The following EPHA5 variants were observed in gnomAD, a reference collection of about 807,000 sequenced individuals.
The protein encoded by EPHA5 is EPH receptor A5.
A neutral mutation model predicts 105.0 loss-of-function variants in EPHA5; 60 were observed. The observed-to-expected ratio is 0.57, with a 90% CI of 0.46 to 0.71. The LOEUF is 0.71. Ranked by LOEUF, EPHA5 falls within the 30% of genes least tolerant of loss-of-function variation. EPHA5 has a pLI of 0.00. For missense variants in EPHA5, 1,218 were observed against 1,274.7 expected (o/e 0.96, Z 0.68); for synonymous variants, 513 against 449.1 (o/e 1.14, Z -1.80).
intron 3 of EPHA5, among the ~76,000 whole-genome samples, chr4:65,592,270 C>G (rs904719928): frequency 6.6e-6 from 1 of 152,062 alleles, no homozygotes; most frequent in African/African-American, 2.4e-5. Flanking sequence ...CAATGTCAAT[C>G]CACACAGGGC....
chr4:65,669,628 G>C lies in EPHA5; in HGVS notation c.115C>G (p.Pro39Ala), dbSNP rs1180540482. 1.4e-6 allele frequency: 2 copies of C among 1,417,770 alleles called. No homozygotes were observed. The highest frequency in any genetic ancestry group is 3.0e-5 in the African/African-American group (2 of 67,684). 87.8% of individuals were successfully genotyped at this position (1,417,770 alleles called of 1,614,324 possible). A position where few individuals can be genotyped will look rare whatever the true frequency, so the allele number is the denominator to read the frequency against. ...AGCYSAPRRA[P>A]LWTCLLLCAA... ...CACAGGAGAAGGCACGTCCAGAGGG[G>C]AGCCCGTCGAGGTGCAGAGTAGCAG... The change falls in exon 1 of 17, where the codon CCC (proline) becomes GCC (alanine). Residue 39 changes from proline (P) to alanine (A), a missense_variant. Around this residue, in one of 3 missense-constraint regions of EPHA5, gnomAD observed 233 missense variants for 227.5 expected, o/e 1.02. Coordinates refer to ENST00000613740, the MANE Select transcript of EPHA5 (RefSeq NM_001281766.3).
At chr4:65,403,300 T>C (rs979112324) in intron 8 of EPHA5, among the ~76,000 whole-genome samples, 4 of 152,176 alleles carry the variant, frequency 2.6e-5, no homozygotes, top group Non-Finnish European at 4.4e-5. Flanking sequence ...ATGAGTCGAA[T>C]AGGTGCTGAA....
At chr4:65,484,635 C>T (rs936670590) in intron 5 of EPHA5, among the ~76,000 whole-genome samples, 4 of 152,034 alleles carry the variant, frequency 2.6e-5, no homozygotes, top group African/African-American at 4.8e-5. Context: ...TGTACCTTGG[C>T]ATGTTAATTA....
intron 3 of EPHA5, among the ~76,000 whole-genome samples, chr4:65,509,593 C>G (rs1733400241): frequency 6.6e-6 from 1 of 152,170 alleles, no homozygotes. Flanking sequence ...CCATATTAGA[C>G]TATATTGTAA....
At chr4:65,648,690 G>A (rs1460914311) in intron 1 of EPHA5, among the ~76,000 whole-genome samples, 1 of 152,108 alleles carries the variant, frequency 6.6e-6, no homozygotes, top group Admixed American at 6.5e-5. Context: ...GCATACAAGA[G>A]GCTTTTGATG....
intron 2 of EPHA5, among the ~76,000 whole-genome samples, chr4:65,632,822 T>C (rs960880021): frequency 2.0e-5 from 3 of 152,142 alleles, no homozygotes; most frequent in East Asian, 3.9e-4. Flanking sequence ...TGGGTGGTAA[T>C]GAGAGGTTTC....
chr4:65,385,681 G>A (rs1720008743), intron 8 of EPHA5, among the ~76,000 whole-genome samples: 1 of 151,784 alleles, frequency 6.6e-6, no homozygotes, highest in African/African-American at 2.4e-5. Context: ...ATACATAACA[G>A]TGATTAATTA....
At chr4:65,572,366 T>C (rs1159479321) in intron 3 of EPHA5, among the ~76,000 whole-genome samples, 1 of 152,214 alleles carries the variant, frequency 6.6e-6, no homozygotes, top group African/African-American at 2.4e-5. Flanking sequence ...ATATATCACT[T>C]ACTCTCCAAC....
rs1284785883 is a variant in EPHA5, at chr4:65,404,440, A to G, written c.1727T>C (p.Ile576Thr). ...ASSDQSQIPV[I>T]AVSVTVGVIL... ...GACTCCCACTGTCACAGACACAGCAATTACAGGAATCTGGCTTTGATCGCT... is the reference window on the plus strand; with the variant it reads ...GACTCCCACTGTCACAGACACAGCAGTTACAGGAATCTGGCTTTGATCGCT... The change falls in exon 8 of 17, where the codon ATT becomes ACT. Residue 576 changes from isoleucine (I) to threonine (T), a missense_variant. By Grantham distance (89) the Ile-to-Thr change is moderately conservative. Transcript: ENST00000613740. 18 of 1,613,678 alleles carry G rather than the reference A, an allele frequency of 1.1e-5. No homozygotes were observed. The highest frequency in any genetic ancestry group is 5.0e-5 in the Admixed American group (3 of 59,952).
chr4:65,634,438 A>T lies in EPHA5; in HGVS notation c.246+8925T>A, dbSNP rs375380012. On this transcript the variant is annotated intron_variant, in intron 2 of 16. Coordinates refer to ENST00000613740, the MANE Select transcript of EPHA5 (RefSeq NM_001281766.3). ...CTTATATACAGAAGCAGAGAAGAAC[A>T]TTTTAAAGAACCTTATTCATAATTG... is the stretch of plus-strand genomic sequence containing the variant. Among the ~76,000 whole-genome samples, 19 of 152,200 alleles carry T rather than the reference A, an allele frequency of 1.2e-4. 1 individual carries two copies. The highest frequency in any genetic ancestry group is 4.6e-4 in the African/African-American group (19 of 41,578).
chr4:65,403,336 G>C (rs1388111379), intron 8 of EPHA5, among the ~76,000 whole-genome samples: 2 of 152,036 alleles, frequency 1.3e-5, no homozygotes, highest in Non-Finnish European at 1.5e-5. Flanking sequence ...GAGTAGAACG[G>C]TAACAAAATC....
chr4:65,532,838 C>A (rs1010459388), intron 3 of EPHA5, among the ~76,000 whole-genome samples: 19 of 151,974 alleles, frequency 1.3e-4, no homozygotes, highest in African/African-American at 4.6e-4. Context: ...TTTTAATGGT[C>A]TCTTTAAGAG....
chr4:65,383,671 CATA>C (rs911049539), intron 8 of EPHA5, among the ~76,000 whole-genome samples: 10 of 151,838 alleles, frequency 6.6e-5, no homozygotes, highest in Non-Finnish European at 1.5e-4. Flanking sequence ...ATGCCCTGGT[CATA>C]ATATCTGCCA....
At chr4:65,620,635 CATT>C (rs1404265156) in intron 2 of EPHA5, among the ~76,000 whole-genome samples, 4 of 152,152 alleles carry the variant, frequency 2.6e-5, no homozygotes, top group South Asian at 4.1e-4. Flanking sequence ...ACTAAGAAAA[CATT>C]ATAGAAGTTC....
intron 16 of EPHA5, chr4:65,331,416 A>T: frequency 3.8e-6 from 4 of 1,045,812 alleles, no homozygotes; most frequent in Non-Finnish European, 4.6e-6. Flanking sequence ...TTCCACTGAG[A>T]TTGTACCAAA....
At chr4:65,400,364 C>G (rs1030574586) in intron 8 of EPHA5, among the ~76,000 whole-genome samples, 13 of 152,108 alleles carry the variant, frequency 8.5e-5, no homozygotes, top group Non-Finnish European at 1.3e-4. Context: ...GTTTTATAAT[C>G]CTGTAAGAAA....
At chr4:65,589,441 C>A (rs534841604) in intron 3 of EPHA5, among the ~76,000 whole-genome samples, 1 of 152,112 alleles carries the variant, frequency 6.6e-6, no homozygotes, top group Non-Finnish European at 1.5e-5. Flanking sequence ...CTCCCCACCT[C>A]CCTCTGTAAC....
chr4:65,551,112 T>C (rs1737857766), intron 3 of EPHA5, among the ~76,000 whole-genome samples: 1 of 151,796 alleles, frequency 6.6e-6, no homozygotes, highest in Middle Eastern at 3.4e-3. Context: ...ATATATGAAA[T>C]ATATTTACAT....
At chr4:65,489,149 G>C (rs1409720366) in intron 5 of EPHA5, among the ~76,000 whole-genome samples, 1 of 151,758 alleles carries the variant, frequency 6.6e-6, no homozygotes, top group East Asian at 1.9e-4. Flanking sequence ...CACCCATCTC[G>C]GCCTCCCAAA....
Sources: gnomAD v4.1 joint callset for allele counts (sites outside exome capture counted in the v4.1 genomes callset) on GRCh38, gnomAD v4.1.1 for gene constraint, gnomAD v4.1.1 regional missense constraint, MANE v1.5 for transcripts, NCBI Gene and HGNC (gene_info 2026-07-23, HGNC 2026-07-21) for gene names.